The following AKAP13 variants were observed in gnomAD, a reference collection of about 807,000 sequenced individuals.
AKAP13 encodes the protein A-kinase anchor protein 13.
AKAP13 carries 80 observed loss-of-function variants against 264.5 expected under a neutral mutation model. The observed-to-expected ratio is 0.30, with a 90% CI of 0.25 to 0.36. AKAP13 has a LOEUF of 0.36. Ranked by LOEUF, AKAP13 falls within the 10% of genes least tolerant of loss-of-function variation. AKAP13 has a pLI of 1.00. For synonymous variants in AKAP13, 1,380 were observed against 1,250.2 expected, an observed-to-expected ratio of 1.10 and a Z score of -2.19; for missense variants, 3,712 against 3,435.2, an observed-to-expected ratio of 1.08 and a Z score of -2.01.
At chr15:85,452,288 T>C (rs932610394) in intron 1 of AKAP13, among the ~76,000 whole-genome samples, 4 of 152,132 alleles carry the variant, frequency 2.6e-5, no homozygotes, top group Non-Finnish European at 5.9e-5. Context: ...ATGATTCTTA[T>C]TTTCCTTGGG....
At chr15:85,706,804 C>T (rs1239165947) in intron 17 of AKAP13, among the ~76,000 whole-genome samples, 1 of 152,084 alleles carries the variant, frequency 6.6e-6, no homozygotes, top group Non-Finnish European at 1.5e-5. Context: ...AAGAGAGTCT[C>T]AATACACTGT....
intron 6 of AKAP13, among the ~76,000 whole-genome samples, chr15:85,576,600 A>C (rs2079023745): frequency 6.6e-6 from 1 of 152,224 alleles, no homozygotes; most frequent in Non-Finnish European, 1.5e-5. Context: ...TTTGGAAACC[A>C]CTGGACAGTA....
chr15:85,626,217 C>CT (rs1291754015), intron 8 of AKAP13, among the ~76,000 whole-genome samples: 3 of 152,220 alleles, frequency 2.0e-5, no homozygotes, highest in Non-Finnish European at 2.9e-5. Context: ...TTGCATATCT[C>CT]TAACTGCTGC....
At chr15:85,639,543 C>T in intron 9 of AKAP13, 94 bp downstream of exon 9, 2 of 916,192 alleles carry the variant, frequency 2.2e-6, no homozygotes, top group Non-Finnish European at 3.5e-6. Flanking sequence ...GCATGTTATA[C>T]AGTAAATCAG....
At chr15:85,713,944 G>A (rs1330638432) in intron 19 of AKAP13, among the ~76,000 whole-genome samples, 1 of 152,140 alleles carries the variant, frequency 6.6e-6, no homozygotes, top group African/African-American at 2.4e-5. Flanking sequence ...ATGTTAATGA[G>A]AAATATGCAC....
In AKAP13 at chr15:85,639,466, C is replaced by T; in HGVS notation, c.4237+17C>T. 2 of 1,596,170 alleles carry T rather than the reference C, an allele frequency of 1.3e-6. No homozygotes were observed. Among genetic ancestry groups the T allele is most frequent in the Non-Finnish European group, 1.7e-6 (2 of 1,164,602 alleles). Reference sequence around the variant, plus strand: ...AGAGCCCAGGTAAGCTGAGATTATCCATTCATTTTCTGGAGCTGCAGCCCC... The same window carrying T: ...AGAGCCCAGGTAAGCTGAGATTATCTATTCATTTTCTGGAGCTGCAGCCCC... On this transcript the variant is annotated intron_variant, in intron 9 of 36. Transcript: ENST00000394518.
At chr15:85,631,094 A>G (rs2081771221) in intron 8 of AKAP13, among the ~76,000 whole-genome samples, 1 of 152,244 alleles carries the variant, frequency 6.6e-6, no homozygotes, top group Non-Finnish European at 1.5e-5. Flanking sequence ...TTATTTGGAA[A>G]TAAAAGAAGT....
intron 8 of AKAP13, among the ~76,000 whole-genome samples, chr15:85,638,002 CT>C (rs951197240): frequency 6.8e-6 from 1 of 147,342 alleles, no homozygotes; most frequent in African/African-American, 2.6e-5. Flanking sequence ...CCTCCTGACC[CT>C]GAGTAGCTGC....
chr15:85,699,431 T>G (rs35250181), intron 17 of AKAP13, among the ~76,000 whole-genome samples: 28,607 of 147,888 alleles, frequency 0.19, 3,556 homozygotes, highest in Middle Eastern at 0.41. Flanking sequence ...GCAACAAGAG[T>G]GAAACTCTAT....
intron 17 of AKAP13, among the ~76,000 whole-genome samples, chr15:85,696,445 T>G (rs909200645): frequency 6.6e-6 from 1 of 152,210 alleles, no homozygotes; most frequent in Admixed American, 6.5e-5. Flanking sequence ...ACTTATCAAT[T>G]AGACATTAAC....
chr15:85,717,961 AC>A, intron 21 of AKAP13, 45 bp from the exon 22 acceptor site: 1 of 1,587,476 alleles, frequency 6.3e-7, no homozygotes, highest in East Asian at 2.2e-5. Flanking sequence ...GGCTTATTTT[AC>A]AGGTCACAAA....
At chr15:85,533,958 A>C (rs2279168) in intron 4 of AKAP13, 78 bp downstream of exon 4, 1 of 1,419,742 alleles carries the variant, frequency 7.0e-7, no homozygotes, top group South Asian at 1.4e-5. Context: ...CTACTTTTCT[A>C]TGGTCATCAT....
chr15:85,678,970 T>C (rs951355394), intron 14 of AKAP13, among the ~76,000 whole-genome samples: 3 of 151,912 alleles, frequency 2.0e-5, no homozygotes, highest in African/African-American at 7.3e-5. Context: ...TCAGGCACAG[T>C]GGCTCATGCC....
At chr15:85,490,336 G>A (rs2075686788) in intron 2 of AKAP13, among the ~76,000 whole-genome samples, 1 of 152,194 alleles carries the variant, frequency 6.6e-6, no homozygotes, top group Non-Finnish European at 1.5e-5. Context: ...AGAGAAGAAG[G>A]AGATGATGAT....
chr15:85,630,890 T>C (rs1185574543), intron 8 of AKAP13, among the ~76,000 whole-genome samples: 2 of 152,084 alleles, frequency 1.3e-5, no homozygotes, highest in Admixed American at 1.3e-4. Flanking sequence ...AAAGTTACCA[T>C]GTATGTAACC....
chr15:85,439,119 C>G (rs2073486820), intron 1 of AKAP13, among the ~76,000 whole-genome samples: 1 of 151,848 alleles, frequency 6.6e-6, no homozygotes, highest in African/African-American at 2.4e-5. Context: ...AACAAATTTA[C>G]AAGAAAAAAA....
intron 29 of AKAP13, among the ~76,000 whole-genome samples, chr15:85,729,066 C>G (rs1397710624): frequency 2.0e-5 from 3 of 151,880 alleles, no homozygotes; most frequent in Non-Finnish European, 2.9e-5. Context: ...TTTGGGAGGC[C>G]ACGGCGGGCG....
intron 17 of AKAP13, among the ~76,000 whole-genome samples, chr15:85,701,685 C>T (rs553227517): frequency 1.3e-5 from 2 of 151,988 alleles, no homozygotes; most frequent in South Asian, 4.2e-4. Flanking sequence ...TCAGGTGATC[C>T]ACCCTCCTCA....
At chr15:85,710,510 C>A in intron 18 of AKAP13, 69 bp from the exon 19 acceptor site, 1 of 1,494,608 alleles carries the variant, frequency 6.7e-7, no homozygotes, top group Non-Finnish European at 9.2e-7. Context: ...CTGCTTGCTC[C>A]CTTCCTACTC....
Sources: allele counts gnomAD v4.1 joint callset (sites outside exome capture counted in the v4.1 genomes callset), GRCh38; gene constraint gnomAD v4.1.1; transcripts MANE v1.5; gene names NCBI Gene and HGNC (gene_info 2026-07-23, HGNC 2026-07-21).